FSTL5: variants seen among roughly 807,000 people sequenced by gnomAD.
FSTL5 encodes follistatin-related protein 5.
Under a neutral mutation model 89.1 loss-of-function variants are expected in FSTL5, and 62 were observed. The ratio of observed to expected loss-of-function variants is 0.70; its 90% CI spans 0.57 to 0.86. The LOEUF is 0.86. FSTL5 is among the 40% of genes least tolerant of loss of function. FSTL5 has a pLI of 0.00. For missense variants in FSTL5, 1,057 were observed against 1,001.6 expected (o/e 1.06, Z -0.75); for synonymous variants, 383 against 346.2 (o/e 1.11, Z -1.18).
intron 3 of FSTL5, among the ~76,000 whole-genome samples, chr4:161,977,917 T>C (rs988256628): frequency 6.6e-6 from 1 of 152,098 alleles, no homozygotes; most frequent in Admixed American, 6.5e-5. Context: ...CAGCTGTTTA[T>C]ATTACCACAA....
intron 3 of FSTL5, among the ~76,000 whole-genome samples, chr4:162,010,493 A>G (rs1162312806): frequency 6.6e-6 from 1 of 152,146 alleles, no homozygotes; most frequent in African/African-American, 2.4e-5. Flanking sequence ...TACAGTGTAC[A>G]GTGACTTTCA....
chr4:161,445,673 G>A lies in FSTL5; in HGVS notation c.1841+9331C>T, dbSNP rs78174095. 2.6e-3 allele frequency among the ~76,000 whole-genome samples: 389 copies of A among 151,964 alleles called. 2 individuals carry two copies. The highest frequency in any genetic ancestry group is 8.9e-3 in the African/African-American group (371 of 41,518). ...AAAGTATCAAAAGGATTATCAATAC[G>A]TCATTTTCATCCATGACAGATGACA... On this transcript the variant is annotated intron_variant, in intron 15 of 15. Transcript: ENST00000306100.
chr4:161,637,387 C>T (rs1267541859), intron 7 of FSTL5, among the ~76,000 whole-genome samples: 6 of 109,360 alleles, frequency 5.5e-5, no homozygotes, highest in Non-Finnish European at 9.0e-5. Flanking sequence ...GAGTAGGTTG[C>T]AAAAATTTTC....
chr4:161,506,343 G>T (rs2126493716), intron 11 of FSTL5, among the ~76,000 whole-genome samples: 1 of 152,110 alleles, frequency 6.6e-6, no homozygotes, highest in South Asian at 2.1e-4. Context: ...AAATTGCTAG[G>T]ATTAAAGGTA....
intron 7 of FSTL5, among the ~76,000 whole-genome samples, chr4:161,597,764 G>A (rs1279157155): frequency 2.0e-5 from 3 of 152,004 alleles, no homozygotes; most frequent in Non-Finnish European, 1.5e-5. Context: ...GTTATGGAGT[G>A]TTTATAGGTT....
intron 4 of FSTL5, among the ~76,000 whole-genome samples, chr4:161,791,632 C>T (rs959272572): frequency 1.3e-5 from 2 of 152,058 alleles, no homozygotes; most frequent in African/African-American, 4.8e-5. Context: ...CAGATTTATA[C>T]AATAATGGTA....
intron 1 of FSTL5, among the ~76,000 whole-genome samples, chr4:162,154,661 TC>T (rs1733396220): frequency 6.6e-6 from 1 of 152,036 alleles, no homozygotes; most frequent in Non-Finnish European, 1.5e-5. Flanking sequence ...AACTCTAATA[TC>T]AAAAAACATT....
At chr4:161,885,742 C>T (rs559381602) in intron 4 of FSTL5, among the ~76,000 whole-genome samples, 5 of 152,274 alleles carry the variant, frequency 3.3e-5, no homozygotes, top group African/African-American at 9.6e-5. Context: ...AGCCACTGTG[C>T]GCAGACCCTG....
In FSTL5 at chr4:162,133,246, G is replaced by A. The variant is rs575012993; in HGVS notation, c.-16-21834C>T. Among the ~76,000 whole-genome samples the A allele has an allele frequency of 3.3e-5, 5 of 152,308 alleles. 1 individual carries two copies. The East Asian group carries it at 9.6e-4, about 29-fold the overall frequency. On this transcript the variant is annotated intron_variant, in intron 1 of 15. Transcript: ENST00000306100. ...GCATTTAAACTTCTAACAGTATTCT[G>A]AGTCTAAATGGCATTGAAAGTGAGG...
At chr4:161,468,389 T>A (rs1336779823) in intron 13 of FSTL5, among the ~76,000 whole-genome samples, 1 of 152,014 alleles carries the variant, frequency 6.6e-6, no homozygotes, top group Non-Finnish European at 1.5e-5. Context: ...AAGGTTAGGA[T>A]TTGTCTTTGA....
intron 3 of FSTL5, among the ~76,000 whole-genome samples, chr4:161,929,685 G>GTGTGTATATA (rs58074061): frequency 6.7e-6 from 1 of 149,206 alleles, no homozygotes; most frequent in African/African-American, 2.5e-5. Context: ...GTGTGTGTGT[G>GTGTGTATATA]TGTGTGTGTG....
At chr4:161,631,229 T>A (rs1456063862) in intron 7 of FSTL5, among the ~76,000 whole-genome samples, 2 of 152,234 alleles carry the variant, frequency 1.3e-5, no homozygotes, top group African/African-American at 4.8e-5. Context: ...TTTCTCATAT[T>A]CCTTTAGAAT....
At chr4:161,874,950 C>A (rs187591155) in intron 4 of FSTL5, among the ~76,000 whole-genome samples, 24 of 152,090 alleles carry the variant, frequency 1.6e-4, no homozygotes, top group Non-Finnish European at 2.5e-4. Flanking sequence ...CACACACACA[C>A]GCCATCTATA....
At chr4:161,715,449 T>C (rs1427289331) in intron 6 of FSTL5, among the ~76,000 whole-genome samples, 1 of 152,148 alleles carries the variant, frequency 6.6e-6, no homozygotes, top group African/African-American at 2.4e-5. Context: ...CTGTGATCAT[T>C]TAGCCTATAT....
At chr4:162,162,065 A>G (rs1201162285) in intron 1 of FSTL5, among the ~76,000 whole-genome samples, 1 of 152,124 alleles carries the variant, frequency 6.6e-6, no homozygotes, top group Admixed American at 6.5e-5. Context: ...TGTTTAGGGT[A>G]AAACATGTGA....
chr4:161,531,898 T>C (rs1408358351), intron 10 of FSTL5, among the ~76,000 whole-genome samples: 1 of 152,124 alleles, frequency 6.6e-6, no homozygotes. Context: ...TCAGTGTTTT[T>C]AGCAATAAGA....
chr4:161,452,824 G>A (rs1013819533), intron 15 of FSTL5, among the ~76,000 whole-genome samples: 2 of 152,084 alleles, frequency 1.3e-5, no homozygotes, highest in Non-Finnish European at 2.9e-5. Context: ...GCATTTCACT[G>A]CACATTCCTC....
At chr4:161,404,677 A>G (rs1029132983) in intron 15 of FSTL5, among the ~76,000 whole-genome samples, 2 of 151,970 alleles carry the variant, frequency 1.3e-5, no homozygotes, top group African/African-American at 4.8e-5. Context: ...ATAAAAAAAA[A>G]TTTTCAAAAG....
chr4:161,716,761 C>T (rs1361555573), intron 6 of FSTL5, among the ~76,000 whole-genome samples: 1 of 152,048 alleles, frequency 6.6e-6, no homozygotes. Flanking sequence ...TTATGTATTT[C>T]ATTGACTCTT....
Sources: gnomAD v4.1 joint callset for allele counts (sites outside exome capture counted in the v4.1 genomes callset) on GRCh38, gnomAD v4.1.1 for gene constraint, MANE v1.5 for transcripts, NCBI Gene and HGNC (gene_info 2026-07-23, HGNC 2026-07-21) for gene names.